Variants in PTPRD observed in about 807,000 individuals in gnomAD.
The protein encoded by PTPRD is receptor-type tyrosine-protein phosphatase delta.
A neutral mutation model predicts 214.5 loss-of-function variants in PTPRD; 34 were observed. That is an observed-to-expected ratio of 0.16 (90% CI 0.12 to 0.21). The LOEUF is 0.21. Ranked by LOEUF, PTPRD falls within the 10% of genes least tolerant of loss-of-function variation. The probability of loss-of-function intolerance (pLI) is 1.00; values close to 1 mark genes in which losing one functional copy is unlikely to be tolerated. For missense variants in PTPRD, 2,545 were observed against 2,398.7 expected (o/e 1.06, Z -1.27); for synonymous variants, 1,128 against 845.7 (o/e 1.33, Z -5.79).
intron 4 of PTPRD, among the ~76,000 whole-genome samples, chr9:9,975,752 G>C (rs929982476): frequency 1.3e-5 from 2 of 152,130 alleles, no homozygotes; most frequent in Non-Finnish European, 2.9e-5. Context: ...ACAGGTTCTG[G>C]AGTCAATCTA....
chr9:8,951,338 T>C (rs2099101177), intron 11 of PTPRD, among the ~76,000 whole-genome samples: 5 of 141,828 alleles, frequency 3.5e-5, no homozygotes, highest in South Asian at 4.4e-4. Flanking sequence ...TTTTTTTTTT[T>C]CAGTCCCGTA....
chr9:8,571,606 A>G (rs1381097878), intron 14 of PTPRD, among the ~76,000 whole-genome samples: 1 of 152,162 alleles, frequency 6.6e-6, no homozygotes, highest in Non-Finnish European at 1.5e-5. Flanking sequence ...TGTTGAATAT[A>G]AAACAACTGA....
chr9:10,378,177 T>A (rs1202864855), intron 2 of PTPRD, among the ~76,000 whole-genome samples: 1 of 152,092 alleles, frequency 6.6e-6, no homozygotes, highest in Non-Finnish European at 1.5e-5. Flanking sequence ...GGTGAACACC[T>A]TTTCATATGC....
intron 2 of PTPRD, among the ~76,000 whole-genome samples, chr9:10,549,752 ACTAT>A (rs770265485): frequency 6.6e-6 from 1 of 152,144 alleles, no homozygotes; most frequent in Non-Finnish European, 1.5e-5. Flanking sequence ...CTTCATAAAA[ACTAT>A]CTGATAATTC....
intron 9 of PTPRD, among the ~76,000 whole-genome samples, chr9:9,238,029 T>A (rs1019456732): frequency 5.9e-5 from 9 of 152,052 alleles, no homozygotes; most frequent in African/African-American, 1.9e-4. Context: ...TTCTCCTCCA[T>A]TTGGTGAAGA....
intron 2 of PTPRD, among the ~76,000 whole-genome samples, chr9:10,576,287 C>T (rs1261682834): frequency 6.6e-6 from 1 of 152,100 alleles, no homozygotes; most frequent in Non-Finnish European, 1.5e-5. Flanking sequence ...AAATGATTTA[C>T]CAATGATAAC....
chr9:9,963,449 C>T (rs1015519777), intron 4 of PTPRD, among the ~76,000 whole-genome samples: 1 of 152,010 alleles, frequency 6.6e-6, no homozygotes, highest in African/African-American at 2.4e-5. Context: ...TGCTTTCTAC[C>T]CAATTTTCTA....
chr9:9,961,523 T>C (rs1457575686), intron 4 of PTPRD, among the ~76,000 whole-genome samples: 6 of 152,298 alleles, frequency 3.9e-5, no homozygotes, highest in South Asian at 2.1e-4. Context: ...TCAAGGACCG[T>C]TAAATGGAGC....
chr9:8,352,441 T>C (rs10976984), intron 39 of PTPRD, among the ~76,000 whole-genome samples: 10,257 of 152,204 alleles, frequency 0.067, 448 homozygotes, highest in Middle Eastern at 0.11. Flanking sequence ...ACCAGCTCAC[T>C]CCGTATTCTA....
chr9:10,407,889 G>T (rs551378508), intron 2 of PTPRD, among the ~76,000 whole-genome samples: 1 of 151,320 alleles, frequency 6.6e-6, no homozygotes, highest in South Asian at 2.1e-4. Context: ...ATTTGTTTTG[G>T]ATATAAATTA....
intron 3 of PTPRD, among the ~76,000 whole-genome samples, chr9:10,260,001 C>A (rs1386901199): frequency 1.3e-5 from 2 of 152,244 alleles, no homozygotes; most frequent in Admixed American, 1.3e-4. Context: ...AGACAGTCCA[C>A]ACCACTCTCT....
chr9:9,269,318 A>T (rs574119643), intron 9 of PTPRD, among the ~76,000 whole-genome samples: 40 of 151,302 alleles, frequency 2.6e-4, no homozygotes, highest in African/African-American at 9.4e-4. Context: ...ATCACCTCAC[A>T]CCCGTTAGGA....
chr9:9,274,606 T>C (rs964262969), intron 9 of PTPRD, among the ~76,000 whole-genome samples: 4 of 151,216 alleles, frequency 2.6e-5, no homozygotes, highest in Admixed American at 6.6e-5. Context: ...AATGTCTTCA[T>C]CCAACTTTTC....
chr9:9,144,828 G>A (rs2099866046), intron 10 of PTPRD, among the ~76,000 whole-genome samples: 1 of 151,858 alleles, frequency 6.6e-6, no homozygotes, highest in South Asian at 2.1e-4. Context: ...AATCTTTAAT[G>A]GCAATTTGGC....
At chr9:9,588,900 T>A (rs556811260) in intron 7 of PTPRD, among the ~76,000 whole-genome samples, 35 of 152,052 alleles carry the variant, frequency 2.3e-4, no homozygotes, top group African/African-American at 8.4e-4. Context: ...ACTCTTTGTA[T>A]CTCCATTTGG....
chr9:8,699,802 C>A (rs2098030774), intron 12 of PTPRD, among the ~76,000 whole-genome samples: 2 of 152,090 alleles, frequency 1.3e-5, no homozygotes, highest in African/African-American at 4.8e-5. Context: ...ATTCATACTC[C>A]ATGGTAATAT....
At chr9:9,447,702 A>G (rs12345830) in intron 8 of PTPRD, among the ~76,000 whole-genome samples, 1 of 152,008 alleles carries the variant, frequency 6.6e-6, no homozygotes, top group African/African-American at 2.4e-5. Flanking sequence ...GGACTTCTAC[A>G]TGTTCCCTTA....
At chr9:9,714,873 T>C (rs2097791724) in intron 7 of PTPRD, among the ~76,000 whole-genome samples, 3 of 152,072 alleles carry the variant, frequency 2.0e-5, no homozygotes, top group Admixed American at 1.3e-4. Flanking sequence ...ATATGAAAAA[T>C]GGAGATGTTG....
chr9:9,940,286 G>A (rs975584172), intron 4 of PTPRD, among the ~76,000 whole-genome samples: 8 of 152,000 alleles, frequency 5.3e-5, no homozygotes, highest in Non-Finnish European at 1.2e-4. Flanking sequence ...GATAAACCCC[G>A]CTCATCTTCT....
Sources: gnomAD v4.1 joint callset for allele counts (sites outside exome capture counted in the v4.1 genomes callset) on GRCh38, gnomAD v4.1.1 for gene constraint, MANE v1.5 for transcripts, NCBI Gene and HGNC (gene_info 2026-07-23, HGNC 2026-07-21) for gene names.